The following KLRG1 variants were observed in gnomAD, a reference collection of about 807,000 sequenced individuals.
KLRG1 encodes killer cell lectin-like receptor subfamily G member 1.
KLRG1 carries 16 observed loss-of-function variants against 21.8 expected under a neutral mutation model. That is an observed-to-expected ratio of 0.73 (90% CI 0.50 to 1.11). The LOEUF (loss-of-function observed/expected upper bound fraction) is 1.11, where lower values mean the gene tolerates loss of function less well. KLRG1 is among the 50% of genes most tolerant of loss of function. The pLI is 0.00. For missense variants in KLRG1, 173 were observed against 218.3 expected, an observed-to-expected ratio of 0.79 and a Z score of 1.31; for synonymous variants, 69 against 75.9, an observed-to-expected ratio of 0.91 and a Z score of 0.47.
At chr12:9,030,303 A>G in the KLRG1 span, among the ~76,000 whole-genome samples, 5 of 152,230 alleles carry the variant, frequency 3.3e-5, no homozygotes, top group Admixed American at 6.5e-5. Context: ...TAAAGTGTAC[A>G]TAATATAAAG....
rs773572935 is a variant in KLRG1 at position 9,004,959 on chromosome 12, T to C, written c.358-4016T>C. Among the ~76,000 whole-genome samples, 9 of 152,300 alleles carry C rather than the reference T, an allele frequency of 5.9e-5. No individual in the cohort carries two copies. In the East Asian group the frequency reaches 1.5e-3, roughly 26 times the overall value. Reference sequence around the variant, plus strand: ...GCACATAATAATTATATATATAGGGTATTTATCCGAAGGAAATAAAATCAG... The same window carrying C: ...GCACATAATAATTATATATATAGGGCATTTATCCGAAGGAAATAAAATCAG... On this transcript the variant is annotated intron_variant, in intron 3 of 4. Coordinates refer to ENST00000356986, the MANE Select transcript of KLRG1 (RefSeq NM_005810.4).
chr12:9,005,026 A>G (rs1302478001), intron 3 of KLRG1, among the ~76,000 whole-genome samples: 1 of 152,184 alleles, frequency 6.6e-6, no homozygotes, highest in South Asian at 2.1e-4. Context: ...TATTGTAGCA[A>G]TATTGACAAT....
the KLRG1 span, among the ~76,000 whole-genome samples, chr12:9,051,093 A>G: frequency 1.3e-5 from 2 of 152,152 alleles, no homozygotes; most frequent in Non-Finnish European, 2.9e-5. Context: ...CTGCCCACCC[A>G]TGGTGCCCAT....
At chr12:9,079,275 C>T in the KLRG1 span, 2 of 1,613,716 alleles carry the variant, frequency 1.2e-6, no homozygotes, top group South Asian at 2.2e-5. Flanking sequence ...CCATATCGCT[C>T]CCCAAAGGTG....
chr12:9,158,989 G>T, the KLRG1 span, among the ~76,000 whole-genome samples: 1 of 151,808 alleles, frequency 6.6e-6, no homozygotes, highest in African/African-American at 2.4e-5. Context: ...CTAATGTTCT[G>T]CTTCAGTAAA....
At chr12:8,963,228 G>T (rs1257553676) in intron 1 of KLRG1, among the ~76,000 whole-genome samples, 2 of 152,246 alleles carry the variant, frequency 1.3e-5, no homozygotes, top group South Asian at 4.1e-4. Flanking sequence ...ATGAACACAT[G>T]CTGAGAGAAT....
the KLRG1 span, chr12:9,204,044 G>T: frequency 8.1e-7 from 1 of 1,232,490 alleles, no homozygotes; most frequent in Non-Finnish European, 1.1e-6. Flanking sequence ...GTATTAATTG[G>T]TGCAATCAGT....
At chr12:9,077,942 G>C in the KLRG1 span, 1 of 1,526,692 alleles carries the variant, frequency 6.6e-7, no homozygotes, top group South Asian at 1.2e-5. Context: ...CATATGATGT[G>C]AGTTAGCTAA....
the KLRG1 span, chr12:9,106,492 T>C: frequency 6.3e-7 from 1 of 1,581,650 alleles, no homozygotes; most frequent in South Asian, 1.1e-5. Context: ...TACACAAACC[T>C]GTTCCTTCTT....
chr12:8,965,263 T>C (rs1440066370), intron 1 of KLRG1, among the ~76,000 whole-genome samples: 1 of 152,170 alleles, frequency 6.6e-6, no homozygotes, highest in Non-Finnish European at 1.5e-5. Context: ...AGCATTCCCT[T>C]TGAAAATGGG....
the KLRG1 span, among the ~76,000 whole-genome samples, chr12:9,053,770 A>G: frequency 6.6e-6 from 1 of 152,208 alleles, no homozygotes; most frequent in Admixed American, 6.5e-5. Flanking sequence ...TCTACAGATA[A>G]CAACTTGAAC....
At chr12:9,063,396 G>A in the KLRG1 span, among the ~76,000 whole-genome samples, 2 of 152,228 alleles carry the variant, frequency 1.3e-5, no homozygotes, top group African/African-American at 4.8e-5. Context: ...GAATAGCAGT[G>A]TATCATATTT....
At chr12:9,129,728 T>G in the KLRG1 span, among the ~76,000 whole-genome samples, 2 of 152,164 alleles carry the variant, frequency 1.3e-5, no homozygotes, top group Non-Finnish European at 2.9e-5. Flanking sequence ...TTTTGTATTT[T>G]TAGTAGAGAC....
At chr12:9,025,636 C>CA in the KLRG1 span, among the ~76,000 whole-genome samples, 1 of 151,932 alleles carries the variant, frequency 6.6e-6, no homozygotes, top group African/African-American at 2.4e-5. Flanking sequence ...GACTTCATCT[C>CA]AAAAAAAACC....
At chr12:9,098,679 G>A in the KLRG1 span, 6 of 1,611,708 alleles carry the variant, frequency 3.7e-6, no homozygotes, top group East Asian at 2.2e-5. Context: ...GGGCGCAGAC[G>A]GACTGAGGAG....
the KLRG1 span, among the ~76,000 whole-genome samples, chr12:9,206,351 G>T: frequency 2.0e-5 from 3 of 151,762 alleles, no homozygotes; most frequent in South Asian, 6.2e-4. Flanking sequence ...ATATTCTAAA[G>T]AACTATTTTA....
chr12:9,058,342 C>T, the KLRG1 span: 1 of 152,206 alleles, frequency 6.6e-6, no homozygotes, highest in Admixed American at 6.5e-5. Context: ...CTTGGAAACA[C>T]TTCCTATCCT....
At chr12:9,161,145 G>A in the KLRG1 span, 1 of 1,482,470 alleles carries the variant, frequency 6.7e-7, no homozygotes, top group Non-Finnish European at 9.3e-7. Context: ...CATGTTAAAG[G>A]AGGACATCTA....
chr12:9,203,713 A>G, the KLRG1 span: 1 of 1,525,588 alleles, frequency 6.6e-7, no homozygotes, highest in Non-Finnish European at 9.1e-7. Context: ...CATGACCTAT[A>G]GAGCTCAATA....
Sources: allele counts gnomAD v4.1 joint callset (sites outside exome capture counted in the v4.1 genomes callset), GRCh38; gene constraint gnomAD v4.1.1; transcripts MANE v1.5; gene names NCBI Gene and HGNC (gene_info 2026-07-23, HGNC 2026-07-21).